COBL: variants seen among roughly 807,000 people sequenced by gnomAD.
COBL encodes the protein cordon-bleu WH2 repeat protein.
COBL carries 51 observed loss-of-function variants against 98.8 expected under a neutral mutation model. The observed-to-expected ratio is 0.52, with a 90% CI of 0.41 to 0.65. COBL has a LOEUF of 0.65. Among genes scored for constraint, COBL ranks in the 30% least tolerant of loss-of-function variants. The probability of loss-of-function intolerance (pLI) is 0.00; values close to 1 mark genes in which losing one functional copy is unlikely to be tolerated. For missense variants in COBL, 1,617 were observed against 1,617.5 expected, an observed-to-expected ratio of 1.00 and a Z score of 0.01; for synonymous variants, 634 against 651.7, an observed-to-expected ratio of 0.97 and a Z score of 0.41.
At chr7:51,177,806 A>G (rs1354103097) in intron 5 of COBL, among the ~76,000 whole-genome samples, 1 of 149,956 alleles carries the variant, frequency 6.7e-6, no homozygotes, top group African/African-American at 2.5e-5. Context: ...AAATAAATAA[A>G]TAAATAAATA....
intron 6 of COBL, among the ~76,000 whole-genome samples, chr7:51,102,507 T>G (rs1371446105): frequency 6.6e-6 from 1 of 152,172 alleles, no homozygotes. Flanking sequence ...GAGTGGCACT[T>G]CATAGGAACT....
chr7:51,066,060 G>C (rs1791891021), intron 7 of COBL, among the ~76,000 whole-genome samples: 1 of 152,214 alleles, frequency 6.6e-6, no homozygotes, highest in African/African-American at 2.4e-5. Context: ...TATCATGGCA[G>C]CCCTAGCAGA....
intron 5 of COBL, among the ~76,000 whole-genome samples, chr7:51,183,216 T>G (rs1159419194): frequency 6.6e-6 from 1 of 152,180 alleles, no homozygotes; most frequent in Non-Finnish European, 1.5e-5. Context: ...GCACACAAAC[T>G]TGAGTCCCCA....
intron 6 of COBL, among the ~76,000 whole-genome samples, chr7:51,107,471 A>T (rs1044875305): frequency 6.6e-6 from 1 of 152,156 alleles, no homozygotes; most frequent in Non-Finnish European, 1.5e-5. Flanking sequence ...ATATTATACA[A>T]CTACATGGTT....
At chr7:51,066,061 C>T (rs990989507) in intron 7 of COBL, among the ~76,000 whole-genome samples, 9 of 152,186 alleles carry the variant, frequency 5.9e-5, no homozygotes, top group Non-Finnish European at 1.0e-4. Flanking sequence ...ATCATGGCAG[C>T]CCTAGCAGAC....
intron 5 of COBL, among the ~76,000 whole-genome samples, chr7:51,183,251 T>C (rs751518724): frequency 6.6e-6 from 1 of 152,210 alleles, no homozygotes; most frequent in Non-Finnish European, 1.5e-5. Flanking sequence ...TGTAGAAATA[T>C]ACAGATGGAG....
At chr7:51,032,677 T>G (rs1484936150) in intron 8 of COBL, 1 of 152,234 alleles carries the variant, frequency 6.6e-6, no homozygotes. Context: ...TGTGTGTGCA[T>G]GTGGACCCAT....
chr7:51,065,135 G>T, intron 7 of COBL: 1 of 698,958 alleles, frequency 1.4e-6, no homozygotes, highest in Non-Finnish European at 2.6e-6. Context: ...AAAAACAAGT[G>T]TTAGCTGATT....
At chr7:51,262,448 C>T (rs1320866106) in intron 1 of COBL, among the ~76,000 whole-genome samples, 1 of 152,166 alleles carries the variant, frequency 6.6e-6, no homozygotes, top group African/African-American at 2.4e-5. Context: ...ACAAACAGTT[C>T]CACAGCGAGG....
intron 5 of COBL, among the ~76,000 whole-genome samples, chr7:51,180,365 T>C (rs894516004): frequency 2.0e-5 from 3 of 152,198 alleles, no homozygotes; most frequent in Non-Finnish European, 2.9e-5. Flanking sequence ...TCAAGATATT[T>C]TGAGATCTCG....
chr7:51,248,618 GGA>G (rs370803121), intron 1 of COBL, among the ~76,000 whole-genome samples: 212 of 152,242 alleles, frequency 1.4e-3, no homozygotes, highest in African/African-American at 4.9e-3. Context: ...ATGATTCTTT[GGA>G]GATTATTTTC....
At chr7:51,287,362 G>C (rs1013741051) in intron 1 of COBL, among the ~76,000 whole-genome samples, 2 of 152,312 alleles carry the variant, frequency 1.3e-5, no homozygotes, top group Admixed American at 1.3e-4. Flanking sequence ...AAGACATATG[G>C]ATGGTAAATA....
intron 12 of COBL, among the ~76,000 whole-genome samples, chr7:51,019,877 T>A (rs1238682438): frequency 6.6e-6 from 1 of 152,222 alleles, no homozygotes; most frequent in African/African-American, 2.4e-5. Flanking sequence ...CTTGGAGTTC[T>A]CTAATGCACA....
intron 6 of COBL, among the ~76,000 whole-genome samples, chr7:51,117,114 T>C (rs1226185658): frequency 7.2e-6 from 1 of 139,426 alleles, no homozygotes; most frequent in Non-Finnish European, 1.5e-5. Flanking sequence ...CATTTTTCTC[T>C]ACTTGTGTAT....
At chr7:51,088,152 G>T (rs546993161) in intron 6 of COBL, among the ~76,000 whole-genome samples, 3 of 152,162 alleles carry the variant, frequency 2.0e-5, no homozygotes, top group Admixed American at 1.3e-4. Flanking sequence ...TTCATTCATT[G>T]TCTGGGGCAT....
chr7:51,070,537 A>G (rs1792435061), intron 7 of COBL, among the ~76,000 whole-genome samples: 2 of 152,176 alleles, frequency 1.3e-5, no homozygotes, highest in African/African-American at 4.8e-5. Flanking sequence ...CTTGTTTGAA[A>G]GGCCCTCACT....
At chr7:51,116,371 T>C (rs1461174128) in intron 6 of COBL, among the ~76,000 whole-genome samples, 1 of 152,158 alleles carries the variant, frequency 6.6e-6, no homozygotes, top group Non-Finnish European at 1.5e-5. Context: ...TGCTCAACTT[T>C]TACAGTCAAA....
intron 7 of COBL, among the ~76,000 whole-genome samples, chr7:51,053,689 TGCCTC>T (rs1416400222): frequency 2.0e-5 from 3 of 152,226 alleles, no homozygotes; most frequent in Admixed American, 1.3e-4. Flanking sequence ...CCCGTCCCTG[TGCCTC>T]GCCTGCCCCT....
rs905996299 is a variant in COBL, at chr7:51,028,573, C to G, written c.2523G>C (p.Met841Ile). ...EGRNQPPTMG[M>I]GHVRVPAAHT... is the part of the protein sequence containing the mutation. Reference sequence around the variant, plus strand: ...GAGCTGCTGGCACCCTCACGTGACCCATGCCCATGGTGGGGGGCTGGTTTC... The same window carrying G: ...GAGCTGCTGGCACCCTCACGTGACCGATGCCCATGGTGGGGGGCTGGTTTC... The change falls in exon 10 of 13, where the codon ATG becomes ATC. Residue 841 changes from methionine to isoleucine, a missense_variant. Met to Ile is a conservative substitution (Grantham distance 10). Coordinates refer to ENST00000265136, the MANE Select transcript of COBL (RefSeq NM_015198.5). 5.6e-6 allele frequency: 9 copies of G among 1,614,226 alleles called. No homozygotes were observed. The East Asian group carries it at 1.6e-4, about 28-fold the overall frequency.
Sources: allele counts gnomAD v4.1 joint callset (sites outside exome capture counted in the v4.1 genomes callset), GRCh38; gene constraint gnomAD v4.1.1; transcripts MANE v1.5; gene names NCBI Gene and HGNC (gene_info 2026-07-23, HGNC 2026-07-21).